The following CGREF1 variants were observed in gnomAD, a reference collection of about 807,000 sequenced individuals.
The protein encoded by CGREF1 is cell growth regulator with EF-hand domain 1, also known as cell growth regulator with EF hand domain protein 1.
A neutral mutation model predicts 17.4 loss-of-function variants in CGREF1; 16 were observed. The observed-to-expected ratio is 0.92, with a 90% CI of 0.62 to 1.40. The LOEUF is 1.40. CGREF1 is among the 40% of genes most tolerant of loss of function. The pLI is 0.00. For missense variants in CGREF1, 296 were observed against 376.4 expected (o/e 0.79, Z 1.77); for synonymous variants, 142 against 154.6 (o/e 0.92, Z 0.61).
intron 1 of CGREF1, 139 bp from the exon 2 acceptor site, chr2:27,104,516 A>G: frequency 1.3e-6 from 2 of 1,551,036 alleles, no homozygotes; most frequent in Non-Finnish European, 1.7e-6. Context: ...CTCAGGGAGG[A>G]CTCACAGACA....
At chr2:27,107,032 A>G (rs902387477) in intron 1 of CGREF1, among the ~76,000 whole-genome samples, 4 of 152,228 alleles carry the variant, frequency 2.6e-5, no homozygotes, top group Admixed American at 1.3e-4. Context: ...GATGACTGGC[A>G]GAGGAAAACA....
downstream of CGREF1, chr2:27,100,328 C>A (rs1321395444): frequency 1.1e-6 from 1 of 872,042 alleles, no homozygotes; most frequent in African/African-American, 1.7e-5. Context: ...TGCCCACCAG[C>A]CTGTGATTTG....
intron 1 of CGREF1, among the ~76,000 whole-genome samples, chr2:27,107,085 C>T (rs2148387980): frequency 6.6e-6 from 1 of 152,280 alleles, no homozygotes; most frequent in Middle Eastern, 3.4e-3. Context: ...AAAGAATTTC[C>T]ATAGGTAAAG....
intron 1 of CGREF1, among the ~76,000 whole-genome samples, chr2:27,116,675 T>C (rs1260074413): frequency 6.6e-6 from 1 of 150,938 alleles, no homozygotes; most frequent in Non-Finnish European, 1.5e-5. Flanking sequence ...GTTCAAGCGA[T>C]TCTCCTGCCT....
At chr2:27,103,104 T>C in intron 2 of CGREF1, 1 of 985,272 alleles carries the variant, frequency 1.0e-6, no homozygotes, top group Non-Finnish European at 1.2e-6. Context: ...AGGATCTCGT[T>C]GTCAGTCTTT....
At chr2:27,106,910 G>A (rs552362195) in intron 1 of CGREF1, among the ~76,000 whole-genome samples, 3 of 152,220 alleles carry the variant, frequency 2.0e-5, no homozygotes, top group Non-Finnish European at 2.9e-5. Flanking sequence ...GAACCACTGC[G>A]CCTGCCCTCT....
chr2:27,102,609 G>A lies in CGREF1; in HGVS notation c.81-18C>T, dbSNP rs749746372. On this transcript the variant is annotated intron_variant, in intron 2 of 5. Coordinates refer to ENST00000402394, the MANE Select transcript of CGREF1 (RefSeq NM_006569.6). ...AGTCTGGCCTGGAGGAGGAAGGGGA[G>A]GACCAGCCTTGCAGAGAGCCTCCCT... 31 of 1,606,882 alleles carry A rather than the reference G, an allele frequency of 1.9e-5. No homozygotes were observed. Among genetic ancestry groups the A allele is most frequent in the Non-Finnish European group, 1.0e-5 (12 of 1,178,510 alleles).
chr2:27,113,581 A>C (rs571709523), intron 1 of CGREF1, among the ~76,000 whole-genome samples: 5 of 152,226 alleles, frequency 3.3e-5, no homozygotes, highest in Admixed American at 3.3e-4. Context: ...GTACGGCCCA[A>C]AGTTGGGGGG....
At chr2:27,116,871 T>TTCTCCCTCTCTCTCTCTCTCTCCCTC (rs1671586605) in intron 1 of CGREF1, among the ~76,000 whole-genome samples, 2 of 33,680 alleles carry the variant, frequency 5.9e-5, no homozygotes, top group Non-Finnish European at 1.2e-4. Context: ...GCCAGGCCTA[T>TTCTCCCTCTCTCTCTCTCTCTCCCTC]TCTCTCTCTC....
At chr2:27,118,413 G>A (rs1372785673) in intron 1 of CGREF1, among the ~76,000 whole-genome samples, 1 of 152,268 alleles carries the variant, frequency 6.6e-6, no homozygotes, top group South Asian at 2.1e-4. Context: ...GGAGACAGCG[G>A]CTACAGGGCT....
intron 1 of CGREF1, among the ~76,000 whole-genome samples, chr2:27,116,882 TC>T (rs1671594197): frequency 3.5e-5 from 2 of 56,706 alleles, no homozygotes; most frequent in Non-Finnish European, 7.3e-5. Context: ...TCTCTCTCTC[TC>T]TCTCTCTCTC....
At chr2:27,116,218 G>A (rs1319288913) in intron 1 of CGREF1, among the ~76,000 whole-genome samples, 2 of 117,060 alleles carry the variant, frequency 1.7e-5, no homozygotes, top group Non-Finnish European at 3.5e-5. Flanking sequence ...ACAGCAAGAT[G>A]CCACCAAAAA....
At chr2:27,110,457 A>G (rs1489165926) in intron 1 of CGREF1, among the ~76,000 whole-genome samples, 2 of 152,098 alleles carry the variant, frequency 1.3e-5, no homozygotes, top group African/African-American at 2.4e-5. Flanking sequence ...GCACTAATAA[A>G]AGAGACTACA....
At chr2:27,104,431 T>A in intron 1 of CGREF1, 54 bp from the exon 2 acceptor site, 1 of 1,597,560 alleles carries the variant, frequency 6.3e-7, no homozygotes, top group Non-Finnish European at 8.5e-7. Context: ...TGCCACCGTG[T>A]CACAGATGGG....
At chr2:27,107,657 G>A (rs972865476) in intron 1 of CGREF1, among the ~76,000 whole-genome samples, 5 of 151,318 alleles carry the variant, frequency 3.3e-5, no homozygotes, top group African/African-American at 4.8e-5. Flanking sequence ...AAAAGAGGCC[G>A]GGTGTGGTGG....
downstream of CGREF1, chr2:27,099,459 C>T (rs959944601): frequency 4.3e-6 from 7 of 1,614,018 alleles, no homozygotes; most frequent in Middle Eastern, 1.6e-4. Flanking sequence ...AGGGCGCCGA[C>T]GCCCTGGGCC....
chr2:27,108,563 A>C (rs927842819), intron 1 of CGREF1, among the ~76,000 whole-genome samples: 2 of 152,244 alleles, frequency 1.3e-5, no homozygotes, highest in Non-Finnish European at 2.9e-5. Flanking sequence ...AGATTAAATA[A>C]ACAGAAATTC....
intron 1 of CGREF1, among the ~76,000 whole-genome samples, chr2:27,118,359 C>A (rs1671665069): frequency 2.0e-5 from 3 of 152,156 alleles, no homozygotes; most frequent in Non-Finnish European, 4.4e-5. Context: ...CTTAATTTAT[C>A]CCTCTGGTGC....
downstream of CGREF1, chr2:27,099,778 T>C (rs745543858): frequency 2.7e-5 from 44 of 1,610,926 alleles, no homozygotes; most frequent in Admixed American, 5.0e-5. Flanking sequence ...TCACACACCA[T>C]GGAGACTACC....
Sources: allele counts gnomAD v4.1 joint callset (sites outside exome capture counted in the v4.1 genomes callset), GRCh38; gene constraint gnomAD v4.1.1; transcripts MANE v1.5; gene names NCBI Gene and HGNC (gene_info 2026-07-23, HGNC 2026-07-21).